DNAH10: variants seen among roughly 807,000 people sequenced by gnomAD.
DNAH10 encodes the protein axonemal beta dynein heavy chain 10.
In DNAH10, 348 loss-of-function variants were observed where a neutral mutation model predicts 506.6. The ratio of observed to expected loss-of-function variants is 0.69; its 90% CI spans 0.63 to 0.75. The LOEUF (loss-of-function observed/expected upper bound fraction) is 0.75. DNAH10 is among the 30% of genes least tolerant of loss of function. The pLI is 0.00. For synonymous variants in DNAH10, 2,059 were observed against 2,198.6 expected, an observed-to-expected ratio of 0.94 and a Z score of 1.78; for missense variants, 5,179 against 5,787.1, an observed-to-expected ratio of 0.89 and a Z score of 3.41.
rs764537498 is a variant in DNAH10, at chr12:123,772,927, C to G, written c.490C>G (p.Leu164Val). The change falls in exon 4 of 79, where the codon CTC becomes GTC. Residue 164 changes from leucine to valine, a missense_variant. Around this residue, in one of 3 missense-constraint regions of DNAH10, gnomAD observed 326 missense variants for 330.8 expected, o/e 0.99. Coordinates refer to ENST00000673944, the MANE Select transcript of DNAH10 (RefSeq NM_001372106.1). ...EFLDQNVVFF[L>V]RNTKEAISEA... Reference sequence around the variant, plus strand: ...CCTGGACCAAAACGTGGTGTTTTTCCTCAGAAATACCAAAGGTACATTTCT... The same window carrying G: ...CCTGGACCAAAACGTGGTGTTTTTCGTCAGAAATACCAAAGGTACATTTCT... The G allele has an allele frequency of 3.7e-6, 6 of 1,612,102 alleles. No individual in the cohort carries two copies. The South Asian group carries it at 6.6e-5, about 18-fold the overall frequency.
At position 123,853,116 on chromosome 12, in the gene DNAH10, C is replaced by T. The variant is rs772421013; in HGVS notation, c.6292-90C>T. 3.0e-5 allele frequency: 40 copies of T among 1,334,806 alleles called. No homozygotes were observed. Among genetic ancestry groups the T allele is most frequent in the Middle Eastern group, 2.6e-4 (1 of 3,780 alleles). 82.7% of individuals were successfully genotyped at this position (1,334,806 alleles called of 1,614,324 possible). On this transcript the variant is annotated intron_variant, in intron 35 of 78. Transcript: ENST00000673944. The surrounding 1 kb of genome is among the most constrained non-coding windows in gnomAD (Gnocchi z 4.7). Reference sequence around the variant, plus strand: ...GCAGCTGCACTGGAACACCTGCCCCCGTTTTCTTGCATTTGTAGAATGATG... The same window carrying T: ...GCAGCTGCACTGGAACACCTGCCCCTGTTTTCTTGCATTTGTAGAATGATG...
intron 72 of DNAH10, 174 bp downstream of exon 72, chr12:123,929,933 C>T: frequency 1.6e-6 from 1 of 643,098 alleles, no homozygotes; most frequent in Non-Finnish European, 2.7e-6. Context: ...CCTAAGTGAG[C>T]TCTGTTCACA....
At chr12:123,923,512 T>C (rs1464647004) in intron 65 of DNAH10, 1 of 317,408 alleles carries the variant, frequency 3.2e-6, no homozygotes, top group East Asian at 6.0e-5. Flanking sequence ...GGTGTGATTT[T>C]ACCTCCTGTA....
At chr12:123,814,923 G>C (rs1301086715) in intron 21 of DNAH10, among the ~76,000 whole-genome samples, 1 of 152,170 alleles carries the variant, frequency 6.6e-6, no homozygotes, top group African/African-American at 2.4e-5. Context: ...GGCCTAGCCA[G>C]GTAGATTTTT....
At chr12:123,811,535 G>A (rs1378005087) in intron 19 of DNAH10, among the ~76,000 whole-genome samples, 1 of 150,064 alleles carries the variant, frequency 6.7e-6, no homozygotes, top group African/African-American at 2.5e-5. Flanking sequence ...GAGTCTTGCT[G>A]TTTCGCCTAG....
intron 77 of DNAH10, 173 bp from the exon 78 acceptor site, chr12:123,934,448 A>C (rs1251963120): frequency 1.2e-6 from 1 of 820,696 alleles, no homozygotes; most frequent in East Asian, 2.6e-5. Flanking sequence ...GCTCCTCCAC[A>C]GAGGGAAGGT....
chr12:123,928,308 G>A lies in DNAH10; in HGVS notation c.12106-79G>A. On this transcript the variant is annotated intron_variant, in intron 69 of 78. Transcript: ENST00000673944. This position sits in a 1 kb window ranked among gnomAD's most constrained non-coding sequence, Gnocchi z 4.9. ...CTGGAGCTGCCATCGCCCTTCTGTG[G>A]GTGTGGAGTGGGTCTCTGGAGAGCA... 6.8e-7 allele frequency: 1 copy of A among 1,468,212 alleles called. No homozygotes were observed. The highest frequency in any genetic ancestry group is 9.2e-7 in the Non-Finnish European group (1 of 1,089,336). The allele number at this position is 1,468,212 out of a possible 1,614,324, so 90.9% of individuals were successfully genotyped here.
intron 6 of DNAH10, among the ~76,000 whole-genome samples, chr12:123,782,632 G>A (rs183904832): frequency 2.1e-4 from 32 of 151,664 alleles, no homozygotes; most frequent in Non-Finnish European, 4.0e-4. Flanking sequence ...GGCTGGTCTC[G>A]AACTCCTGAC....
At chr12:123,887,725 A>T (rs1594292452) in intron 52 of DNAH10, among the ~76,000 whole-genome samples, 1 of 145,140 alleles carries the variant, frequency 6.9e-6, no homozygotes, top group Non-Finnish European at 1.5e-5. Context: ...GGAGTTTGAG[A>T]CCCCGTCTTT....
At chr12:123,935,163 A>G (rs997782619) in intron 78 of DNAH10, among the ~76,000 whole-genome samples, 172 bp from the exon 79 acceptor site, 16 of 152,238 alleles carry the variant, frequency 1.1e-4, no homozygotes, top group African/African-American at 3.6e-4. Flanking sequence ...GTGTGAAGCC[A>G]GGTCCCCGTG....
chr12:123,786,967 G>A (rs1048775796), intron 9 of DNAH10, among the ~76,000 whole-genome samples: 4 of 152,086 alleles, frequency 2.6e-5, no homozygotes, highest in Non-Finnish European at 5.9e-5. Context: ...GTGAAATCCT[G>A]TCTCAACTGA....
intron 37 of DNAH10, among the ~76,000 whole-genome samples, chr12:123,857,848 A>G (rs562756517): frequency 9.9e-5 from 15 of 152,200 alleles, no homozygotes; most frequent in Non-Finnish European, 1.9e-4. Flanking sequence ...CTAAAACCCT[A>G]CACCCGTTAA....
At chr12:123,860,694 G>T (rs1951577442) in intron 38 of DNAH10, among the ~76,000 whole-genome samples, 1 of 152,140 alleles carries the variant, frequency 6.6e-6, no homozygotes, top group African/African-American at 2.4e-5. Context: ...TTACTTAAAT[G>T]TCATATATAT....
At chr12:123,764,658 C>T (rs999109534) in intron 1 of DNAH10, among the ~76,000 whole-genome samples, 1 of 152,168 alleles carries the variant, frequency 6.6e-6, no homozygotes, top group Non-Finnish European at 1.5e-5. Context: ...AGTCTCACCT[C>T]AGAGGGTCCC....
chr12:123,908,314 C>T (rs916985091), intron 57 of DNAH10: 9 of 455,912 alleles, frequency 2.0e-5, no homozygotes, highest in Non-Finnish European at 4.0e-5. Context: ...CTCCATCCCC[C>T]TCTTTCTTCT....
chr12:123,816,305 T>C (rs1201083873), intron 21 of DNAH10, among the ~76,000 whole-genome samples: 5 of 152,174 alleles, frequency 3.3e-5, no homozygotes, highest in African/African-American at 1.2e-4. Flanking sequence ...TTTAGAGGTT[T>C]GGAACTTTCA....
chr12:123,808,622 T>C (rs971411847), intron 18 of DNAH10, among the ~76,000 whole-genome samples, 175 bp from the exon 19 acceptor site: 3 of 152,168 alleles, frequency 2.0e-5, no homozygotes, highest in African/African-American at 7.2e-5. Flanking sequence ...TGTATAAATT[T>C]AGTGCAAAAA....
chr12:123,813,631 A>G lies in DNAH10; in HGVS notation c.3612A>G (p.Glu1204=), dbSNP rs1215342238. ...AAGAGGAGCTCTATAATCTCCATGA[A>G]GAGATGGAGGTACTCAATCGCTGTG... ...SAKEELYNLH[E]EMEHLAKNLR... is the part of the protein sequence containing the mutation. Residue 1204 remains glutamate, a synonymous_variant, in exon 20 of 79, where the codon GAA becomes GAG. Coordinates refer to ENST00000673944, the MANE Select transcript of DNAH10 (RefSeq NM_001372106.1). 1 of 1,614,098 alleles carries G rather than the reference A, an allele frequency of 6.2e-7. No individual in the cohort carries two copies. The highest frequency in any genetic ancestry group is 8.5e-7 in the Non-Finnish European group (1 of 1,179,936).
At position 123,781,166 on chromosome 12, in the gene DNAH10, G is replaced by A. The variant is rs756885845; in HGVS notation, c.708G>A (p.Glu236=). Residue 236 remains glutamate (E), a synonymous_variant, in exon 6 of 79, where the codon GAG becomes GAA. Coordinates refer to ENST00000673944, the MANE Select transcript of DNAH10 (RefSeq NM_001372106.1). ...VTSGEVSNSS[E]HESDLPPMPG... ...CTGGAGAAGTCTCTAATTCCTCTGAGCATGAATCAGACCTGCCGCCCATGC... is the reference window on the plus strand; with the variant it reads ...CTGGAGAAGTCTCTAATTCCTCTGAACATGAATCAGACCTGCCGCCCATGC... The A allele has an allele frequency of 2.5e-6, 4 of 1,614,128 alleles. No homozygotes were observed. Among genetic ancestry groups the A allele is most frequent in the Non-Finnish European group, 1.7e-6 (2 of 1,180,008 alleles).
Sources: gnomAD v4.1 joint callset for allele counts (sites outside exome capture counted in the v4.1 genomes callset) on GRCh38, gnomAD v4.1.1 for gene constraint, gnomAD v4.1.1 regional missense constraint, Gnocchi (gnomAD v3.1) non-coding constraint, MANE v1.5 for transcripts, NCBI Gene and HGNC (gene_info 2026-07-23, HGNC 2026-07-21) for gene names.